Variants in EXOSC1 observed in about 807,000 individuals in gnomAD.
EXOSC1 encodes the protein exosome complex component CSL4.
Under a neutral mutation model 31.4 loss-of-function variants are expected in EXOSC1, and 27 were observed. The observed-to-expected ratio is 0.86, with a 90% CI of 0.63 to 1.18. The LOEUF (loss-of-function observed/expected upper bound fraction) is 1.18. EXOSC1 is among the 50% of genes most tolerant of loss of function. The pLI is 0.00. For synonymous variants in EXOSC1, 84 were observed against 89.5 expected (o/e 0.94, Z 0.35); for missense variants, 228 against 250.3 (o/e 0.91, Z 0.60).
At position 97,436,533 on chromosome 10, in the gene EXOSC1, A is replaced by T; in HGVS notation, c.500T>A (p.Ile167Asn). The part of the protein sequence containing the change: ...HSESGIQMVP[I>N]SWCEMQCPKT... ...AGGGCACTGCATCTCACACCAGCTG[A>T]TGGGAACCATCTGGATACCTGGAAG... The change falls in exon 8 of 8, where the codon ATC becomes AAC. Residue 167 changes from isoleucine (I) to asparagine (N), a missense_variant. Ile to Asn is a moderately radical substitution (Grantham distance 149). Coordinates refer to ENST00000370902, the MANE Select transcript of EXOSC1 (RefSeq NM_016046.5). The T allele has an allele frequency of 6.2e-7, 1 of 1,607,068 alleles. No homozygotes were observed. The highest frequency in any genetic ancestry group is 8.5e-7 in the Non-Finnish European group (1 of 1,178,166).
rs1244761008 is a variant in EXOSC1, at chr10:97,437,184, A to G, written c.481+7T>C. 3 of 1,613,490 alleles carry G rather than the reference A, an allele frequency of 1.9e-6. No individual in the cohort carries two copies. The African/African-American group carries it at 4.0e-5, about 22-fold the overall frequency. The stretch of plus-strand genomic sequence containing the variant: ...AAAGTAAGGATGTGGAAACAAGGCC[A>G]TCTCACCTGACTCACTGTGGGCTAC... On this transcript the variant is annotated splice_region_variant and intron_variant, in intron 7 of 7. Coordinates refer to ENST00000370902, the MANE Select transcript of EXOSC1 (RefSeq NM_016046.5).
At chr10:97,442,685 C>A (rs768949051) in intron 3 of EXOSC1, among the ~76,000 whole-genome samples, 7 of 151,794 alleles carry the variant, frequency 4.6e-5, no homozygotes, top group Non-Finnish European at 8.8e-5. Flanking sequence ...ATTTTTTATT[C>A]TTCTTCTTCT....
Position 97,441,180 on chromosome 10 carries a change from C to T in EXOSC1, c.302G>A (p.Gly101Glu). 6.2e-7 allele frequency: 1 copy of T among 1,613,752 alleles called. No homozygotes were observed. Among genetic ancestry groups the T allele is most frequent in the East Asian group, 2.2e-5 (1 of 44,880 alleles). Residue 101 changes from glycine (G) to glutamate (E), a missense_variant, in exon 4 of 8, where the codon GGA (glycine) becomes GAA (glutamate). By Grantham distance (98) the Gly-to-Glu change is moderately conservative. Transcript: ENST00000370902. Reference sequence around the variant, plus strand: ...AAAGGATACTTCTTACCGGATAGTTCCTCGAAAAGAGTTCTTAAGAGGCAT... The same window carrying T: ...AAAGGATACTTCTTACCGGATAGTTTCTCGAAAAGAGTTCTTAAGAGGCAT... ...GSMPLKNSFR[G>E]TIRKEDVRAT...
At chr10:97,437,925 A>T (rs556111618) in intron 5 of EXOSC1, among the ~76,000 whole-genome samples, 175 bp from the exon 6 acceptor site, 6 of 148,366 alleles carry the variant, frequency 4.0e-5, no homozygotes, top group South Asian at 4.3e-4. Flanking sequence ...ACAAATGAAA[A>T]TTTTTTTTTT....
rs138659743 is a variant in EXOSC1 at position 97,438,363 on chromosome 10, C to T, written c.345+307G>A. Among the ~76,000 whole-genome samples, 19 of 151,844 alleles carry T rather than the reference C, an allele frequency of 1.3e-4. 1 individual carries two copies. The East Asian group carries it at 3.3e-3, about 26-fold the overall frequency. On this transcript the variant is annotated intron_variant, in intron 5 of 7. Transcript: ENST00000370902. Reference sequence around the variant, plus strand: ...TCCCAAGTAGCTAGGACTACAGGTGCGTGCCACCACTTAACCTCAAACTCC... The same window carrying T: ...TCCCAAGTAGCTAGGACTACAGGTGTGTGCCACCACTTAACCTCAAACTCC...
At chr10:97,437,450 C>T (rs758335780) in intron 6 of EXOSC1, among the ~76,000 whole-genome samples, 175 bp from the exon 7 acceptor site, 13 of 152,074 alleles carry the variant, frequency 8.5e-5, no homozygotes, top group South Asian at 6.2e-4. Flanking sequence ...CAGGTTCAAG[C>T]GGTTCTCCTG....
At chr10:97,441,085 G>T in intron 4 of EXOSC1, 86 bp downstream of exon 4, 1 of 1,083,508 alleles carries the variant, frequency 9.2e-7, no homozygotes, top group African/African-American at 1.6e-5. Flanking sequence ...AATAGGAATT[G>T]TAACTGTTGC....
At chr10:97,442,328 C>G (rs755748189) in intron 3 of EXOSC1, among the ~76,000 whole-genome samples, 20 of 152,166 alleles carry the variant, frequency 1.3e-4, no homozygotes, top group Non-Finnish European at 2.5e-4. Flanking sequence ...TTCAGGGAAT[C>G]AGCTCAGTGA....
chr10:97,438,124 G>T (rs945739110), intron 5 of EXOSC1, among the ~76,000 whole-genome samples: 9 of 152,080 alleles, frequency 5.9e-5, no homozygotes, highest in Admixed American at 2.0e-4. Context: ...TCACCATGTT[G>T]GTCAGGCTGG....
In EXOSC1 at chr10:97,437,194, ACT is replaced by A. The variant is rs1182217490; in HGVS notation, c.476_477del (p.Glu159ValfsTer12). 6.2e-7 allele frequency: 1 copy of A among 1,613,494 alleles called. No individual in the cohort carries two copies. Among genetic ancestry groups the A allele is most frequent in the Non-Finnish European group, 8.5e-7 (1 of 1,179,844 alleles). ...NELGVVVAHS[E>X]SGIQMVPISW... ...TGTGGAAACAAGGCCATCTCACCTG[ACT>A]CACTGTGGGCTACCACCACTCCCAG... On this transcript the variant is annotated frameshift_variant, in exon 7 of 8. Coordinates refer to ENST00000370902, the MANE Select transcript of EXOSC1 (RefSeq NM_016046.5). LOFTEE classifies it high-confidence loss of function.
At chr10:97,438,499 C>T (rs541807310) in intron 5 of EXOSC1, among the ~76,000 whole-genome samples, 171 bp downstream of exon 5, 1 of 151,520 alleles carries the variant, frequency 6.6e-6, no homozygotes, top group Non-Finnish European at 1.5e-5. Context: ...GAGACAGGGT[C>T]TCGCTATGTT....
intron 5 of EXOSC1, among the ~76,000 whole-genome samples, chr10:97,438,222 T>C (rs1161285881): frequency 6.6e-6 from 1 of 151,766 alleles, no homozygotes; most frequent in African/African-American, 2.4e-5. Flanking sequence ...CGGCCCTTTT[T>C]TCTTTTTTTT....
chr10:97,441,264 G>A lies in EXOSC1; in HGVS notation c.223-5C>T, dbSNP rs764783726. The A allele has an allele frequency of 1.4e-5, 22 of 1,613,008 alleles. No individual in the cohort carries two copies. The highest frequency in any genetic ancestry group is 8.8e-5 in the South Asian group (8 of 91,058). On this transcript the variant is annotated splice_polypyrimidine_tract_variant and splice_region_variant and intron_variant, in intron 3 of 7. Transcript: ENST00000370902. ...GCGTGAATTGATGCTAGAGACCTGC[G>A]GAATAGAGAAAAGATCAGCATCAGA...
intron 2 of EXOSC1, among the ~76,000 whole-genome samples, 158 bp from the exon 3 acceptor site, chr10:97,443,469 A>C (rs1201102950): frequency 6.6e-6 from 1 of 152,226 alleles, no homozygotes; most frequent in East Asian, 1.9e-4. Context: ...AAATTTTAGG[A>C]AATAGGAGGA....
chr10:97,438,646 A>T (rs770782570), intron 5 of EXOSC1, 24 bp downstream of exon 5: 12 of 1,496,630 alleles, frequency 8.0e-6, no homozygotes, highest in Middle Eastern at 1.7e-4. Context: ...TAAAGCCATT[A>T]AAAAAAAAGA....
In EXOSC1 at chr10:97,437,850, A is replaced by C. The variant is rs566815936; in HGVS notation, c.346-100T>G. ...AAGCCAATCTACTTTCTAATCCTGG[A>C]GGGTAGAAATCATCATTACTCATGT... On this transcript the variant is annotated intron_variant, in intron 5 of 7. Transcript: ENST00000370902. The C allele has an allele frequency of 3.1e-6, 3 of 959,136 alleles. No individual in the cohort carries two copies. In the East Asian group the frequency reaches 7.5e-5, roughly 24 times the overall value. The allele number at this position is 959,136 out of a possible 1,614,324, so 59.4% of individuals were successfully genotyped here.
At chr10:97,437,482 G>C (rs1845576731) in intron 6 of EXOSC1, among the ~76,000 whole-genome samples, 1 of 152,034 alleles carries the variant, frequency 6.6e-6, no homozygotes, top group Admixed American at 6.6e-5. Context: ...CGAATAGCTG[G>C]GATTACAGGC....
In EXOSC1 at chr10:97,437,738, T is replaced by C; in HGVS notation, c.358A>G (p.Lys120Glu). The change falls in exon 6 of 8, where the codon AAG (lysine) becomes GAG (glutamate). Residue 120 changes from lysine (K) to glutamate (E), a missense_variant. Lys to Glu is a moderately conservative substitution (Grantham distance 56, BLOSUM62 1). Transcript: ENST00000370902. ...ACAATGTCACCTGGGCGGAAACTCTTATAAATTTCAACCTGTAAAGAAAGA... is the reference window on the plus strand; with the variant it reads ...ACAATGTCACCTGGGCGGAAACTCTCATAAATTTCAACCTGTAAAGAAAGA... ...ATEKDKVEIY[K>E]SFRPGDIVLA... 4.3e-6 allele frequency: 7 copies of C among 1,613,210 alleles called. No homozygotes were observed. Among genetic ancestry groups the C allele is most frequent in the Non-Finnish European group, 5.9e-6 (7 of 1,179,400 alleles).
intron 4 of EXOSC1, among the ~76,000 whole-genome samples, chr10:97,439,731 T>C (rs1845655317): frequency 6.6e-6 from 1 of 152,164 alleles, no homozygotes; most frequent in African/African-American, 2.4e-5. Flanking sequence ...AAAAACTGTC[T>C]TCCAAGAAAC....
Sources: gnomAD v4.1 joint callset for allele counts (sites outside exome capture counted in the v4.1 genomes callset) on GRCh38, gnomAD v4.1.1 for gene constraint, MANE v1.5 for transcripts, NCBI Gene and HGNC (gene_info 2026-07-23, HGNC 2026-07-21) for gene names.